The following CDC5L variants were observed in gnomAD, a reference collection of about 807,000 sequenced individuals.
CDC5L encodes cell division cycle 5 like, also known as cell division cycle 5-like protein.
CDC5L carries 18 observed loss-of-function variants against 104.1 expected under a neutral mutation model. The observed-to-expected ratio is 0.17, with a 90% CI of 0.12 to 0.26. The LOEUF is 0.26. Among genes scored for constraint, CDC5L ranks in the 10% least tolerant of loss-of-function variants. The pLI, the probability that CDC5L is intolerant of heterozygous loss-of-function variation, is 1.00. For missense variants in CDC5L, 673 were observed against 956.9 expected, an observed-to-expected ratio of 0.70 and a Z score of 3.91; for synonymous variants, 331 against 322.7, an observed-to-expected ratio of 1.03 and a Z score of -0.28.
chr6:44,435,035 T>G (rs1792862372), intron 14 of CDC5L, among the ~76,000 whole-genome samples: 1 of 151,428 alleles, frequency 6.6e-6, no homozygotes, highest in Admixed American at 6.6e-5. Flanking sequence ...GAACCTACTA[T>G]CCAGACATAA....
rs1793552765 is a variant in CDC5L, at chr6:44,449,016, G to A, written c.*2305G>A. The A allele has an allele frequency of 6.6e-6, 1 of 152,124 alleles. No individual in the cohort carries two copies. Among genetic ancestry groups the A allele is most frequent in the South Asian group, 2.1e-4 (1 of 4,828 alleles). 9.4% of individuals were successfully genotyped at this position (152,124 alleles called of 1,614,324 possible). ...GATTTTCCCACATTAAATCATCTTT[G>A]CACTCCTGGAATCAGGTAGATTAAT... On this transcript the variant is annotated 3_prime_UTR_variant, in exon 16 of 16. Coordinates refer to ENST00000371477, the MANE Select transcript of CDC5L (RefSeq NM_001253.4).
intron 3 of CDC5L, 127 bp from the exon 4 acceptor site, chr6:44,393,319 C>T (rs949836587): frequency 1.3e-6 from 1 of 761,640 alleles, no homozygotes; most frequent in African/African-American, 1.8e-5. Flanking sequence ...AGTAAAAAGG[C>T]TTTATGTTGT....
Position 44,447,861 on chromosome 6 carries a change from A to G in CDC5L, c.*1150A>G, listed in dbSNP as rs1793508057. 1 of 152,218 alleles carries G rather than the reference A, an allele frequency of 6.6e-6. No individual in the cohort carries two copies. The highest frequency in any genetic ancestry group is 1.5e-5 in the Non-Finnish European group (1 of 68,044). The allele number at this position is 152,218 out of a possible 1,614,324, so 9.4% of individuals were successfully genotyped here. A position where few individuals can be genotyped will look rare whatever the true frequency, so the allele number is the denominator to read the frequency against. On this transcript the variant is annotated 3_prime_UTR_variant, in exon 16 of 16. Transcript: ENST00000371477. ...TTATTAAGACAGAGTTCTTGCTCTCATGGAGGTGACATTAGTGGGGAGGAG... is the reference window on the plus strand; with the variant it reads ...TTATTAAGACAGAGTTCTTGCTCTCGTGGAGGTGACATTAGTGGGGAGGAG...
chr6:44,407,570 C>T (rs190235374), intron 7 of CDC5L, among the ~76,000 whole-genome samples: 6 of 152,238 alleles, frequency 3.9e-5, no homozygotes, highest in African/African-American at 1.4e-4. Context: ...CGTGAGCTAC[C>T]ATCTACCCAC....
chr6:44,434,804 A>C (rs1461278933), intron 14 of CDC5L, among the ~76,000 whole-genome samples: 2 of 152,180 alleles, frequency 1.3e-5, no homozygotes, highest in African/African-American at 4.8e-5. Flanking sequence ...TTACACTTTC[A>C]TAAGTCCCAT....
At chr6:44,429,342 A>G (rs1053376469) in intron 13 of CDC5L, among the ~76,000 whole-genome samples, 8 of 152,106 alleles carry the variant, frequency 5.3e-5, no homozygotes, top group Non-Finnish European at 1.2e-4. Flanking sequence ...CTTTTAAATG[A>G]GGTTAATATT....
chr6:44,439,051 CT>C (rs1793064050), intron 14 of CDC5L, among the ~76,000 whole-genome samples: 1 of 152,116 alleles, frequency 6.6e-6, no homozygotes, highest in Non-Finnish European at 1.5e-5. Context: ...CATTAATCTA[CT>C]TTTTGTATCA....
At chr6:44,417,704 A>G (rs13198841) in intron 8 of CDC5L, among the ~76,000 whole-genome samples, 15,537 of 152,244 alleles carry the variant, frequency 0.1, 1,023 homozygotes, top group Middle Eastern at 0.17. Flanking sequence ...AGTTCTGCCT[A>G]AAGAGATCAG....
intron 14 of CDC5L, 74 bp from the exon 15 acceptor site, chr6:44,445,581 G>A: frequency 9.8e-7 from 1 of 1,020,942 alleles, no homozygotes; most frequent in Non-Finnish European, 1.5e-6. Flanking sequence ...TGAACGCATG[G>A]TACCTTTTTA....
chr6:44,420,510 C>T (rs754652611), intron 9 of CDC5L, among the ~76,000 whole-genome samples: 17 of 152,038 alleles, frequency 1.1e-4, no homozygotes, highest in Non-Finnish European at 2.1e-4. Context: ...AGGCATGCGC[C>T]GCCATGCCTG....
At chr6:44,400,243 T>C (rs534493882) in intron 5 of CDC5L, among the ~76,000 whole-genome samples, 38 of 152,380 alleles carry the variant, frequency 2.5e-4, no homozygotes, top group South Asian at 1.9e-3. Flanking sequence ...TTTTCTAGCA[T>C]ATGGGTCATT....
intron 13 of CDC5L, among the ~76,000 whole-genome samples, chr6:44,427,572 G>A (rs1398462389): frequency 2.0e-5 from 3 of 152,124 alleles, no homozygotes; most frequent in Non-Finnish European, 2.9e-5. Context: ...TATTGCATAA[G>A]TAATACATTA....
At chr6:44,418,428 G>A (rs1445595375) in intron 8 of CDC5L, among the ~76,000 whole-genome samples, 2 of 152,164 alleles carry the variant, frequency 1.3e-5, no homozygotes, top group Non-Finnish European at 2.9e-5. Flanking sequence ...CCAAGTCTTT[G>A]CTATTGTGAA....
chr6:44,434,699 T>C (rs1792846439), intron 14 of CDC5L, among the ~76,000 whole-genome samples: 1 of 152,326 alleles, frequency 6.6e-6, no homozygotes, highest in East Asian at 1.9e-4. Context: ...TAACGGACTT[T>C]TACTGAAGAC....
chr6:44,435,819 G>C (rs144936177), intron 14 of CDC5L: 1 of 149,766 alleles, frequency 6.7e-6, no homozygotes, highest in African/African-American at 2.5e-5. Flanking sequence ...TTTTGTTCCT[G>C]TTGCCCAGGC....
chr6:44,441,359 T>G (rs1184845858), intron 14 of CDC5L, among the ~76,000 whole-genome samples: 1 of 152,260 alleles, frequency 6.6e-6, no homozygotes, highest in African/African-American at 2.4e-5. Flanking sequence ...CCGTTTTATG[T>G]GTATACCATA....
rs114825292 is a variant in CDC5L at position 44,397,919 on chromosome 6, A to G, written c.539+1479A>G. 8.0e-3 allele frequency among the ~76,000 whole-genome samples: 1,216 copies of G among 152,312 alleles called. 21 individuals are homozygous for G. Among genetic ancestry groups the G allele is most frequent in the African/African-American group, 0.028 (1,161 of 41,566 alleles). On this transcript the variant is annotated intron_variant, in intron 5 of 15. Transcript: ENST00000371477. ...CCAAGATGATGTCACTAAAGGGCAA[A>G]TCTGGACTGTGTCACAGCTTATTAG...
At chr6:44,441,261 G>A (rs138155084) in intron 14 of CDC5L, among the ~76,000 whole-genome samples, 185 of 152,248 alleles carry the variant, frequency 1.2e-3, no homozygotes, top group Non-Finnish European at 2.0e-3. Flanking sequence ...TTCTGTGCCT[G>A]GCTTATCATA....
Position 44,426,125 on chromosome 6 carries a change from T to C in CDC5L, c.1592T>C (p.Val531Ala). The change falls in exon 12 of 16, where the codon GTA (valine) becomes GCA (alanine). Residue 531 changes from valine (V) to alanine (A), a missense_variant. Physicochemically the swap from Val to Ala is moderately conservative, Grantham distance 64. Transcript: ENST00000371477. ...TAGGCCATACGAGATGCAGAGCGTG[T>C]AAAGGAAATGAAACGAATGCATAAA... ...RKQAIRDAER[V>A]KEMKRMHKAV... The C allele has an allele frequency of 6.2e-7, 1 of 1,607,340 alleles. No individual in the cohort carries two copies. The highest frequency in any genetic ancestry group is 8.5e-7 in the Non-Finnish European group (1 of 1,176,320).
Sources: allele counts gnomAD v4.1 joint callset (sites outside exome capture counted in the v4.1 genomes callset), GRCh38; gene constraint gnomAD v4.1.1; transcripts MANE v1.5; gene names NCBI Gene and HGNC (gene_info 2026-07-23, HGNC 2026-07-21).